The following KCNIP4 variants were observed in gnomAD, a reference collection of about 807,000 sequenced individuals.
KCNIP4 encodes potassium voltage-gated channel interacting protein 4.
KCNIP4 carries 12 observed loss-of-function variants against 34.0 expected under a neutral mutation model. That is an observed-to-expected ratio of 0.35 (90% CI 0.23 to 0.57). KCNIP4 has a LOEUF of 0.57. KCNIP4 is among the 20% of genes least tolerant of loss of function. The pLI is 0.83. For missense variants in KCNIP4, 238 were observed against 311.7 expected, an observed-to-expected ratio of 0.76 and a Z score of 1.78; for synonymous variants, 124 against 102.2, an observed-to-expected ratio of 1.21 and a Z score of -1.29.
At chr4:21,671,147 G>T (rs184283802) in intron 1 of KCNIP4, among the ~76,000 whole-genome samples, 1 of 151,748 alleles carries the variant, frequency 6.6e-6, no homozygotes, top group African/African-American at 2.4e-5. Flanking sequence ...TATTTTTATC[G>T]CATGCCTCAT....
At chr4:21,855,168 G>T (rs1056113126) in intron 1 of KCNIP4, among the ~76,000 whole-genome samples, 5 of 152,040 alleles carry the variant, frequency 3.3e-5, no homozygotes, top group Non-Finnish European at 5.9e-5. Flanking sequence ...TTCAATTTTC[G>T]GTATCAAGCT....
At chr4:21,069,555 G>A (rs1025546156) in intron 1 of KCNIP4, among the ~76,000 whole-genome samples, 18 of 152,148 alleles carry the variant, frequency 1.2e-4, no homozygotes, top group Admixed American at 3.3e-4. Context: ...GGCCTGTGAA[G>A]GCTGGCCCTG....
At chr4:21,248,927 C>T (rs1019487478) in intron 1 of KCNIP4, among the ~76,000 whole-genome samples, 2 of 152,130 alleles carry the variant, frequency 1.3e-5, no homozygotes, top group Non-Finnish European at 2.9e-5. Context: ...TCAGTGCTTT[C>T]GCTGTTGTAT....
rs527451220 is a variant in KCNIP4, at chr4:21,236,371, A to C, written c.62-353662T>G. Among the ~76,000 whole-genome samples the C allele has an allele frequency of 1.4e-3, 217 of 152,290 alleles. 1 individual carries two copies. Among genetic ancestry groups the C allele is most frequent in the Non-Finnish European group, 2.5e-3 (168 of 68,026 alleles). On this transcript the variant is annotated intron_variant, in intron 1 of 8. Coordinates refer to ENST00000382152, the MANE Select transcript of KCNIP4 (RefSeq NM_025221.6). ...GTGACATTTGTATAACATTGTATTGATACAACCACTTTACTTTTCATAATG... is the reference window on the plus strand; with the variant it reads ...GTGACATTTGTATAACATTGTATTGCTACAACCACTTTACTTTTCATAATG...
At chr4:20,888,162 A>C (rs1725522252) in intron 1 of KCNIP4, among the ~76,000 whole-genome samples, 1 of 152,050 alleles carries the variant, frequency 6.6e-6, no homozygotes, top group South Asian at 2.1e-4. Flanking sequence ...TTTAAAAGAA[A>C]GCCAGGGAAG....
At chr4:21,097,404 A>G (rs1577684320) in intron 1 of KCNIP4, among the ~76,000 whole-genome samples, 2 of 152,258 alleles carry the variant, frequency 1.3e-5, no homozygotes, top group Non-Finnish European at 1.5e-5. Context: ...CCTTGCAGAT[A>G]CCACATTTTT....
intron 1 of KCNIP4, among the ~76,000 whole-genome samples, chr4:20,969,050 G>C (rs935066872): frequency 6.6e-6 from 1 of 152,072 alleles, no homozygotes; most frequent in African/African-American, 2.4e-5. Context: ...AATATGCATA[G>C]CAATAATTTT....
rs111928188 is a variant in KCNIP4, at chr4:20,820,000, G to A, written c.288+30543C>T. Among the ~76,000 whole-genome samples the A allele has an allele frequency of 6.6e-5, 10 of 152,254 alleles. 1 individual carries two copies. The highest frequency in any genetic ancestry group is 2.2e-4 in the African/African-American group (9 of 41,564). Reference sequence around the variant, plus strand: ...AGGAACTGCTGGTACCAAGCAGTGGGGTGTTGCTGTTAACAAATATATAAA... The same window carrying A: ...AGGAACTGCTGGTACCAAGCAGTGGAGTGTTGCTGTTAACAAATATATAAA... On this transcript the variant is annotated intron_variant, in intron 3 of 8. Coordinates refer to ENST00000382152, the MANE Select transcript of KCNIP4 (RefSeq NM_025221.6).
chr4:20,861,467 C>T (rs1453898314), intron 2 of KCNIP4, among the ~76,000 whole-genome samples: 1 of 152,108 alleles, frequency 6.6e-6, no homozygotes, highest in Non-Finnish European at 1.5e-5. Context: ...CCCAGACCAA[C>T]CCGAGCAATT....
At chr4:21,773,333 C>A (rs1038680686) in intron 1 of KCNIP4, among the ~76,000 whole-genome samples, 8 of 152,014 alleles carry the variant, frequency 5.3e-5, no homozygotes, top group Non-Finnish European at 8.8e-5. Flanking sequence ...GTTTTACTCC[C>A]AAGTATGTGG....
chr4:21,302,954 C>T (rs1292784502), intron 1 of KCNIP4, among the ~76,000 whole-genome samples: 3 of 152,044 alleles, frequency 2.0e-5, no homozygotes, highest in Non-Finnish European at 2.9e-5. Flanking sequence ...CGTCAAACAT[C>T]ATCTAGAGCT....
chr4:21,101,297 T>C (rs1398214238), intron 1 of KCNIP4, among the ~76,000 whole-genome samples: 1 of 152,220 alleles, frequency 6.6e-6, no homozygotes, highest in Non-Finnish European at 1.5e-5. Context: ...TTCCATTCTT[T>C]TTTATGCATG....
chr4:21,303,740 A>G, intron 1 of KCNIP4: 1 of 1,307,130 alleles, frequency 7.7e-7, no homozygotes, highest in Non-Finnish European at 1.1e-6. Flanking sequence ...TGCCTCTTAC[A>G]TTCACCTAAG....
intron 1 of KCNIP4, among the ~76,000 whole-genome samples, chr4:21,372,413 G>A (rs1429647141): frequency 6.8e-6 from 1 of 146,860 alleles, no homozygotes; most frequent in Non-Finnish European, 1.5e-5. Context: ...CAGACAGACA[G>A]ATACAGATAT....
chr4:21,498,478 C>A (rs529049740), intron 1 of KCNIP4, among the ~76,000 whole-genome samples: 1 of 152,022 alleles, frequency 6.6e-6, no homozygotes, highest in East Asian at 1.9e-4. Flanking sequence ...TTTTATTGAG[C>A]CAGAGAAATA....
At chr4:20,748,383 C>G (rs1245529881) in intron 5 of KCNIP4, among the ~76,000 whole-genome samples, 1 of 151,888 alleles carries the variant, frequency 6.6e-6, no homozygotes, top group South Asian at 2.1e-4. Context: ...GTCCTTTAGA[C>G]AGTCCATCAG....
chr4:21,832,996 G>A (rs11725713), intron 1 of KCNIP4, among the ~76,000 whole-genome samples: 53,337 of 145,208 alleles, frequency 0.37, 11,153 homozygotes, highest in East Asian at 0.65. Context: ...ATCATTGTTG[G>A]ACATTTGGGT....
At chr4:21,752,944 A>C (rs1577941105) in intron 1 of KCNIP4, among the ~76,000 whole-genome samples, 2 of 152,316 alleles carry the variant, frequency 1.3e-5, no homozygotes, top group Middle Eastern at 3.4e-3. Context: ...GCTGCATAGC[A>C]TATTGAATAC....
At chr4:21,277,691 A>T (rs1762521608) in intron 1 of KCNIP4, among the ~76,000 whole-genome samples, 2 of 152,240 alleles carry the variant, frequency 1.3e-5, no homozygotes, top group African/African-American at 4.8e-5. Flanking sequence ...TCAATATCTG[A>T]CTAACAGAAT....
Sources: gnomAD v4.1 joint callset for allele counts (sites outside exome capture counted in the v4.1 genomes callset) on GRCh38, gnomAD v4.1.1 for gene constraint, MANE v1.5 for transcripts, NCBI Gene and HGNC (gene_info 2026-07-23, HGNC 2026-07-21) for gene names.